The following ANKRD6 variants were observed in gnomAD, a reference collection of about 807,000 sequenced individuals.
ANKRD6 encodes the protein ankyrin repeat domain 6.
ANKRD6 carries 56 observed loss-of-function variants against 82.3 expected under a neutral mutation model. The observed-to-expected ratio is 0.68, with a 90% confidence interval of 0.55 to 0.85. The LOEUF (loss-of-function observed/expected upper bound fraction) is 0.85. Among genes scored for constraint, ANKRD6 ranks in the 40% least tolerant of loss-of-function variants. The pLI is 0.00. For missense variants in ANKRD6, 852 were observed against 907.6 expected (o/e 0.94, Z 0.79); for synonymous variants, 347 against 352.1 (o/e 0.99, Z 0.16).
At chr6:89,621,030 C>T (rs1285198771) in intron 9 of ANKRD6, among the ~76,000 whole-genome samples, 1 of 152,100 alleles carries the variant, frequency 6.6e-6, no homozygotes, top group African/African-American at 2.4e-5. Context: ...GATCACGCCA[C>T]TGCACTTCAG....
chr6:89,566,837 C>T lies in ANKRD6; in HGVS notation c.-140C>T. 1 of 1,223,070 alleles carries T rather than the reference C, an allele frequency of 8.2e-7. No homozygotes were observed. The highest frequency in any genetic ancestry group is 1.1e-6 in the Non-Finnish European group (1 of 885,312). The allele number at this position is 1,223,070 out of a possible 1,614,324, so 75.8% of individuals were successfully genotyped here. A position where few individuals can be genotyped will look rare whatever the true frequency, so the allele number is the denominator to read the frequency against. On this transcript the variant is annotated 5_prime_UTR_variant, in exon 2 of 16. Coordinates refer to ENST00000339746, the MANE Select transcript of ANKRD6 (RefSeq NM_001242809.2). The stretch of plus-strand genomic sequence containing the variant: ...ACCTTTGTTTTGTAACCCCTAGGTC[C>T]CGAAGATGGCATATTCATAAAGACA...
At chr6:89,451,044 A>ACGCC (rs1460011465) in intron 1 of ANKRD6, among the ~76,000 whole-genome samples, 1 of 152,200 alleles carries the variant, frequency 6.6e-6, no homozygotes, top group African/African-American at 2.4e-5. Flanking sequence ...GCCATGGCTA[A>ACGCC]CGCCTGTAAT....
At chr6:89,489,167 C>T (rs774590866) in intron 1 of ANKRD6, among the ~76,000 whole-genome samples, 5 of 152,160 alleles carry the variant, frequency 3.3e-5, no homozygotes, top group Non-Finnish European at 7.4e-5. Flanking sequence ...GGCAGGAAAT[C>T]AAGGCAGAGC....
chr6:89,631,209 G>C lies in ANKRD6; in HGVS notation c.*205G>C. The C allele has an allele frequency of 1.0e-6, 1 of 966,152 alleles. No homozygotes were observed. The highest frequency in any genetic ancestry group is 1.4e-6 in the Non-Finnish European group (1 of 719,864). The allele number at this position is 966,152 out of a possible 1,614,324, so 59.8% of individuals were successfully genotyped here. ...AACAATTAAACTGAAACCAGGGGAA[G>C]CTTGCTTAGTTTTGGGTTTCATTAT... On this transcript the variant is annotated 3_prime_UTR_variant, in exon 16 of 16. Transcript: ENST00000339746.
At chr6:89,612,485 G>A (rs1800477939) in intron 6 of ANKRD6, 115 bp downstream of exon 6, 2 of 1,089,572 alleles carry the variant, frequency 1.8e-6, no homozygotes, top group Admixed American at 5.1e-5. Context: ...AAAAGTATTT[G>A]GGGACTATCT....
At chr6:89,462,136 G>A (rs1329010143) in intron 1 of ANKRD6, among the ~76,000 whole-genome samples, 1 of 151,714 alleles carries the variant, frequency 6.6e-6, no homozygotes, top group Non-Finnish European at 1.5e-5. Context: ...GGGGGCTGAG[G>A]CAGGAGAATC....
intron 5 of ANKRD6, among the ~76,000 whole-genome samples, chr6:89,610,539 C>T (rs1179899): frequency 0.2 from 30,819 of 152,036 alleles, 3,616 homozygotes; most frequent in African/African-American, 0.32. Flanking sequence ...TCCACATCAT[C>T]GATATTTCCT....
intron 13 of ANKRD6, among the ~76,000 whole-genome samples, chr6:89,626,133 A>C (rs1247768250): frequency 6.6e-6 from 1 of 152,080 alleles, no homozygotes; most frequent in Non-Finnish European, 1.5e-5. Flanking sequence ...TTTAAGGCTT[A>C]TTTGCTATCT....
At chr6:89,576,018 C>T (rs541866805) in intron 2 of ANKRD6, among the ~76,000 whole-genome samples, 1 of 152,022 alleles carries the variant, frequency 6.6e-6, no homozygotes, top group African/African-American at 2.4e-5. Context: ...GAGAAAGGCT[C>T]ACTAAGAACT....
chr6:89,482,119 C>T (rs1426295424), intron 1 of ANKRD6, among the ~76,000 whole-genome samples: 5 of 152,224 alleles, frequency 3.3e-5, no homozygotes, highest in Admixed American at 3.3e-4. Flanking sequence ...TTCTAAGTCC[C>T]AGACCAGCAG....
chr6:89,597,115 A>T (rs1284742028), intron 3 of ANKRD6, among the ~76,000 whole-genome samples: 1 of 152,242 alleles, frequency 6.6e-6, no homozygotes, highest in Non-Finnish European at 1.5e-5. Context: ...CAAAGAAATA[A>T]CTATGACTGT....
intron 1 of ANKRD6, among the ~76,000 whole-genome samples, chr6:89,540,591 T>C (rs1784341800): frequency 6.6e-6 from 1 of 152,212 alleles, no homozygotes. Context: ...CTTTACTTTG[T>C]TGATTGTTTC....
At chr6:89,456,348 C>T (rs183441546) in intron 1 of ANKRD6, among the ~76,000 whole-genome samples, 17 of 152,312 alleles carry the variant, frequency 1.1e-4, no homozygotes, top group Non-Finnish European at 2.2e-4. Flanking sequence ...GTACTATAGA[C>T]TGGGTGACAT....
intron 2 of ANKRD6, among the ~76,000 whole-genome samples, chr6:89,575,708 T>C (rs1280982545): frequency 6.6e-6 from 1 of 152,208 alleles, no homozygotes; most frequent in South Asian, 2.1e-4. Context: ...AAGATATATA[T>C]GGTTTCCCTT....
chr6:89,442,314 C>T (rs942627750), intron 1 of ANKRD6, among the ~76,000 whole-genome samples: 7 of 152,056 alleles, frequency 4.6e-5, no homozygotes, highest in African/African-American at 1.7e-4. Flanking sequence ...TGGTTTTATA[C>T]ATTTGAGGGA....
At chr6:89,582,695 G>C (rs2128121273) in intron 2 of ANKRD6, among the ~76,000 whole-genome samples, 1 of 128,886 alleles carries the variant, frequency 7.8e-6, no homozygotes, top group African/African-American at 2.9e-5. Context: ...ATGAATTTGT[G>C]ATCCATTTTA....
chr6:89,476,478 T>C (rs1776051878), intron 1 of ANKRD6, among the ~76,000 whole-genome samples: 1 of 152,202 alleles, frequency 6.6e-6, no homozygotes, highest in South Asian at 2.1e-4. Context: ...AATATGTGTG[T>C]ATTTTTATCT....
intron 1 of ANKRD6, among the ~76,000 whole-genome samples, chr6:89,505,870 A>G (rs1779780531): frequency 1.3e-5 from 2 of 152,236 alleles, no homozygotes. Context: ...GAACCCCAGT[A>G]GTATATTCAT....
At chr6:89,570,750 TC>T (rs1161932429) in intron 2 of ANKRD6, among the ~76,000 whole-genome samples, 5 of 152,372 alleles carry the variant, frequency 3.3e-5, no homozygotes, top group South Asian at 2.1e-4. Context: ...TGAATAATAA[TC>T]CATTTTATGT....
Sources: allele counts gnomAD v4.1 joint callset (sites outside exome capture counted in the v4.1 genomes callset), GRCh38; gene constraint gnomAD v4.1.1; transcripts MANE v1.5; gene names NCBI Gene and HGNC (gene_info 2026-07-23, HGNC 2026-07-21).